Variants in TCF12 observed in about 807,000 individuals in gnomAD.
The protein encoded by TCF12 is transcription factor 12.
Under a neutral mutation model 86.0 loss-of-function variants are expected in TCF12, and 45 were observed. That is an observed-to-expected ratio of 0.52 (90% CI 0.41 to 0.67). TCF12 has a LOEUF of 0.67. Among genes scored for constraint, TCF12 ranks in the 30% least tolerant of loss-of-function variants. The pLI, the probability that TCF12 is intolerant of heterozygous loss-of-function variation, is 0.00. For missense variants in TCF12, 881 were observed against 859.9 expected, an observed-to-expected ratio of 1.02 and a Z score of -0.31; for synonymous variants, 330 against 299.6, an observed-to-expected ratio of 1.10 and a Z score of -1.05.
intron 8 of TCF12, among the ~76,000 whole-genome samples, chr15:57,198,375 C>G (rs2151746838): frequency 6.6e-6 from 1 of 152,240 alleles, no homozygotes; most frequent in Non-Finnish European, 1.5e-5. Flanking sequence ...TAACTTCAGC[C>G]TAGCATCAGG....
chr15:57,065,212 A>G (rs1195171290), intron 4 of TCF12, among the ~76,000 whole-genome samples: 11 of 152,206 alleles, frequency 7.2e-5, no homozygotes, highest in Admixed American at 3.9e-4. Context: ...AGAAAGCTAC[A>G]TTGTAGTGTA....
chr15:56,973,139 A>G (rs1338507793), intron 3 of TCF12, among the ~76,000 whole-genome samples: 2 of 152,152 alleles, frequency 1.3e-5, no homozygotes, highest in African/African-American at 4.8e-5. Context: ...ACTAGAGTTC[A>G]TAGTATCAAT....
intron 5 of TCF12, among the ~76,000 whole-genome samples, chr15:57,143,275 G>A (rs116333183): frequency 6.6e-6 from 1 of 151,844 alleles, no homozygotes; most frequent in African/African-American, 2.4e-5. Context: ...AGATAGTAAT[G>A]TATAAATGTT....
At chr15:57,170,200 A>G (rs1406517201) in intron 6 of TCF12, among the ~76,000 whole-genome samples, 1 of 152,068 alleles carries the variant, frequency 6.6e-6, no homozygotes, top group African/African-American at 2.4e-5. Context: ...ATAGGAATCC[A>G]TCAGATTTCA....
intron 4 of TCF12, among the ~76,000 whole-genome samples, chr15:57,077,394 T>TTG (rs2070204659): frequency 3.7e-5 from 5 of 135,552 alleles, no homozygotes; most frequent in African/African-American, 5.8e-5. Flanking sequence ...TTTTTTTTTT[T>TTG]GGCAAGGCTT....
intron 3 of TCF12, among the ~76,000 whole-genome samples, chr15:57,037,220 G>A (rs2066557573): frequency 6.6e-6 from 1 of 152,072 alleles, no homozygotes; most frequent in Admixed American, 6.6e-5. Flanking sequence ...AGGCCAAGGC[G>A]AGCGGATCAC....
intron 3 of TCF12, among the ~76,000 whole-genome samples, chr15:56,937,286 G>T (rs924543343): frequency 6.6e-6 from 1 of 151,584 alleles, no homozygotes; most frequent in South Asian, 2.1e-4. Flanking sequence ...CGCTGTTGGT[G>T]TATAGTAGAG....
chr15:57,073,976 T>A (rs2069646397), intron 4 of TCF12, among the ~76,000 whole-genome samples: 1 of 152,090 alleles, frequency 6.6e-6, no homozygotes, highest in Admixed American at 6.5e-5. Context: ...GGTCTCGATC[T>A]CCTGACCTCA....
At chr15:57,219,992 C>G (rs1307977810) in intron 8 of TCF12, among the ~76,000 whole-genome samples, 1 of 152,084 alleles carries the variant, frequency 6.6e-6, no homozygotes, top group African/African-American at 2.4e-5. Flanking sequence ...TCCCAAAATG[C>G]TGGAATTACA....
At chr15:57,263,417 TCAC>T (rs2060683117) in intron 18 of TCF12, 143 bp downstream of exon 18, 2 of 793,270 alleles carry the variant, frequency 2.5e-6, no homozygotes, top group East Asian at 2.7e-5. Flanking sequence ...TCTCATTTAA[TCAC>T]CACATCATCT....
chr15:57,170,695 T>G (rs2055326602), intron 6 of TCF12, among the ~76,000 whole-genome samples: 2 of 1,872 alleles, frequency 1.1e-3, no homozygotes, highest in Non-Finnish European at 1.9e-3. Flanking sequence ...ATATAATATA[T>G]ATTATATATA....
intron 3 of TCF12, among the ~76,000 whole-genome samples, chr15:56,952,409 T>C (rs2061321976): frequency 6.6e-6 from 1 of 152,042 alleles, no homozygotes; most frequent in African/African-American, 2.4e-5. Context: ...TCAGTACTGT[T>C]GTGTCAGTTT....
At chr15:56,961,843 T>C (rs1451283236) in intron 3 of TCF12, among the ~76,000 whole-genome samples, 1 of 152,160 alleles carries the variant, frequency 6.6e-6, no homozygotes, top group Admixed American at 6.5e-5. Context: ...TAGGTGGTGA[T>C]ATAAAATATG....
chr15:56,995,027 A>G (rs371556318), intron 3 of TCF12, among the ~76,000 whole-genome samples: 17 of 152,214 alleles, frequency 1.1e-4, no homozygotes, highest in South Asian at 2.1e-4. Context: ...TATAACATCT[A>G]TGATCCACTT....
intron 5 of TCF12, among the ~76,000 whole-genome samples, chr15:57,164,168 G>GT (rs1251722452): frequency 6.6e-6 from 1 of 152,164 alleles, no homozygotes; most frequent in African/African-American, 2.4e-5. Context: ...AAATGAGTGA[G>GT]TACCCTACTG....
At chr15:57,193,740 G>A (rs1321183748) in intron 7 of TCF12, among the ~76,000 whole-genome samples, 1 of 152,014 alleles carries the variant, frequency 6.6e-6, no homozygotes, top group African/African-American at 2.4e-5. Flanking sequence ...AAATATTCCT[G>A]GTCTCTGGGT....
chr15:57,197,116 A>G (rs546321610), intron 7 of TCF12, among the ~76,000 whole-genome samples: 1 of 149,626 alleles, frequency 6.7e-6, no homozygotes, highest in East Asian at 2.0e-4. Flanking sequence ...ATGAAACTGT[A>G]AAGTACCTAG....
At chr15:57,011,559 T>C (rs1240760528) in intron 3 of TCF12, among the ~76,000 whole-genome samples, 2 of 152,156 alleles carry the variant, frequency 1.3e-5, no homozygotes, top group Admixed American at 1.3e-4. Context: ...ATAAAAAAAC[T>C]GTGTTTTACA....
intron 8 of TCF12, among the ~76,000 whole-genome samples, chr15:57,215,369 A>G (rs369412305): frequency 6.8e-4 from 103 of 152,202 alleles, no homozygotes; most frequent in African/African-American, 2.1e-3. Flanking sequence ...TCTTAAATCT[A>G]TCCTCACCCC....
Sources: gnomAD v4.1 joint callset for allele counts (sites outside exome capture counted in the v4.1 genomes callset) on GRCh38, gnomAD v4.1.1 for gene constraint, MANE v1.5 for transcripts, NCBI Gene and HGNC (gene_info 2026-07-23, HGNC 2026-07-21) for gene names.